The following CSMD2 variants were observed in gnomAD, a reference collection of about 807,000 sequenced individuals.
CSMD2 encodes CUB and sushi domain-containing protein 2.
In CSMD2, 130 loss-of-function variants were observed where a neutral mutation model predicts 398.5. The ratio of observed to expected loss-of-function variants is 0.33; its 90% CI spans 0.28 to 0.38. CSMD2 has a LOEUF of 0.38. Among genes scored for constraint, CSMD2 ranks in the 10% least tolerant of loss-of-function variants. The pLI is 1.00. For synonymous variants in CSMD2, 1,828 were observed against 1,908.5 expected, an observed-to-expected ratio of 0.96 and a Z score of 1.10; for missense variants, 3,829 against 4,764.9, an observed-to-expected ratio of 0.80 and a Z score of 5.78.
rs1247925308 is a variant in CSMD2 at position 33,518,041 on chromosome 1, G to A, written c.*53+1424C>T. 1.3e-5 allele frequency among the ~76,000 whole-genome samples: 2 copies of A among 152,256 alleles called. No individual in the cohort carries two copies. Among genetic ancestry groups the A allele is most frequent in the African/African-American group, 2.4e-5 (1 of 41,476 alleles). ...ATGCACAGGAGCGTGGGGAGGGAGCGCAACACTAGCCCTGGGTTTGGCTGG... is the reference window on the plus strand; with the variant it reads ...ATGCACAGGAGCGTGGGGAGGGAGCACAACACTAGCCCTGGGTTTGGCTGG... On this transcript the variant is annotated intron_variant, in intron 70 of 70. Transcript: ENST00000373381. This position sits in a 1 kb window ranked among gnomAD's most constrained non-coding sequence, Gnocchi z 4.3.
At chr1:33,866,597 T>C (rs762307783) in intron 5 of CSMD2, among the ~76,000 whole-genome samples, 4 of 152,226 alleles carry the variant, frequency 2.6e-5, no homozygotes, top group Non-Finnish European at 5.9e-5. Flanking sequence ...CAGATATAAG[T>C]GCTCTCAGTT....
chr1:33,572,759 C>G, intron 49 of CSMD2, 68 bp from the exon 50 acceptor site: 1 of 1,316,944 alleles, frequency 7.6e-7, no homozygotes, highest in African/African-American at 1.5e-5. Flanking sequence ...TATTTTTATC[C>G]TTCCTCCCCT....
chr1:33,966,476 C>G (rs1050368514), intron 3 of CSMD2, among the ~76,000 whole-genome samples: 1 of 152,164 alleles, frequency 6.6e-6, no homozygotes, highest in African/African-American at 2.4e-5. Flanking sequence ...TTCTCAGGAT[C>G]TTGGGTTCTA....
chr1:34,009,901 T>C (rs1166092639), intron 3 of CSMD2, among the ~76,000 whole-genome samples: 2 of 152,160 alleles, frequency 1.3e-5, no homozygotes, highest in Admixed American at 6.5e-5. Context: ...CATCATCTCT[T>C]ATCTGGACCA....
chr1:33,670,495 G>A (rs1414620484), intron 25 of CSMD2, among the ~76,000 whole-genome samples: 1 of 152,092 alleles, frequency 6.6e-6, no homozygotes, highest in African/African-American at 2.4e-5. Flanking sequence ...TATTTCTCTG[G>A]AAGTTCTGAG....
chr1:33,684,868 C>T (rs905232012), intron 25 of CSMD2, among the ~76,000 whole-genome samples: 2 of 152,242 alleles, frequency 1.3e-5, no homozygotes, highest in Non-Finnish European at 2.9e-5. Flanking sequence ...GTGCATACTT[C>T]CACTATAGCA....
chr1:33,664,489 G>C (rs1644244339), intron 25 of CSMD2, among the ~76,000 whole-genome samples: 1 of 152,088 alleles, frequency 6.6e-6, no homozygotes, highest in Non-Finnish European at 1.5e-5. Context: ...AGTAATTCTA[G>C]GGGAAGAAGG....
chr1:33,899,148 AG>A (rs1642589605), intron 5 of CSMD2, among the ~76,000 whole-genome samples: 1 of 152,240 alleles, frequency 6.6e-6, no homozygotes, highest in Admixed American at 6.5e-5. Flanking sequence ...CTCTCTTGAA[AG>A]GGGAACGCTG....
intron 3 of CSMD2, among the ~76,000 whole-genome samples, chr1:33,962,491 C>G (rs376900692): frequency 1.6e-4 from 25 of 152,314 alleles, no homozygotes; most frequent in African/African-American, 5.8e-4. Flanking sequence ...ATTCACTTGA[C>G]AAACATCTGA....
chr1:34,148,036 A>G (rs1036116855), intron 1 of CSMD2, among the ~76,000 whole-genome samples: 1 of 152,154 alleles, frequency 6.6e-6, no homozygotes, highest in African/African-American at 2.4e-5. Flanking sequence ...CAAGGGCTGG[A>G]GCAAGAGTAA....
chr1:33,597,880 T>G (rs1639942879), intron 44 of CSMD2, among the ~76,000 whole-genome samples: 1 of 152,204 alleles, frequency 6.6e-6, no homozygotes, highest in East Asian at 1.9e-4. Flanking sequence ...TGCAATGAAA[T>G]CATACAGCAT....
chr1:33,711,607 C>T (rs1645992199), intron 21 of CSMD2, among the ~76,000 whole-genome samples: 4 of 152,224 alleles, frequency 2.6e-5, no homozygotes, highest in African/African-American at 7.2e-5. Flanking sequence ...GCCTGAGAAG[C>T]ATATGGGAAG....
intron 15 of CSMD2, among the ~76,000 whole-genome samples, chr1:33,731,341 A>G (rs969496103): frequency 2.4e-4 from 37 of 152,278 alleles, no homozygotes; most frequent in African/African-American, 8.9e-4. Context: ...CCATTTTGTA[A>G]TTCCTAGGGT....
rs1362154663 is a variant in CSMD2 at position 33,646,555 on chromosome 1, C to T, written c.4774+93G>A. On this transcript the variant is annotated intron_variant, in intron 29 of 70. Coordinates refer to ENST00000373381, the MANE Select transcript of CSMD2 (RefSeq NM_001281956.2). ...GGGTTGGTGTGGGCTTGCTGTGGTC[C>T]AGCCCAGGGCTCTCCTCACTACGCT... 4 of 1,370,094 alleles carry T rather than the reference C, an allele frequency of 2.9e-6. No individual in the cohort carries two copies. In the African/African-American group the frequency reaches 4.3e-5, roughly 15 times the overall value. 84.9% of individuals were successfully genotyped at this position (1,370,094 alleles called of 1,614,324 possible).
At chr1:33,600,074 C>T (rs1410654553) in intron 44 of CSMD2, 11 of 673,822 alleles carry the variant, frequency 1.6e-5, no homozygotes, top group Non-Finnish European at 3.0e-5. Context: ...CTTACTACCT[C>T]ACAGAATTCT....
At chr1:33,832,233 C>G (rs545769330) in intron 6 of CSMD2, among the ~76,000 whole-genome samples, 74 of 152,016 alleles carry the variant, frequency 4.9e-4, no homozygotes, top group African/African-American at 1.7e-3. Context: ...CACACCATAA[C>G]TATTCCAAAA....
chr1:33,904,574 T>C (rs1426426340), intron 5 of CSMD2, among the ~76,000 whole-genome samples: 1 of 151,738 alleles, frequency 6.6e-6, no homozygotes, highest in African/African-American at 2.4e-5. Flanking sequence ...TAGAGATAGA[T>C]AGTGGTGTTA....
At chr1:33,856,080 C>T (rs553699604) in intron 5 of CSMD2, among the ~76,000 whole-genome samples, 89 of 152,338 alleles carry the variant, frequency 5.8e-4, no homozygotes, top group Middle Eastern at 3.4e-3. Context: ...CTCTGAGCAG[C>T]AGTGCTCATG....
intron 21 of CSMD2, 116 bp downstream of exon 21, chr1:33,714,471 G>GT (rs1646095956): frequency 1.6e-6 from 2 of 1,229,586 alleles, no homozygotes; most frequent in Non-Finnish European, 2.3e-6. Flanking sequence ...GGTAAGTGTG[G>GT]TAAGTGTGGG....
Sources: gnomAD v4.1 joint callset for allele counts (sites outside exome capture counted in the v4.1 genomes callset) on GRCh38, gnomAD v4.1.1 for gene constraint, Gnocchi (gnomAD v3.1) non-coding constraint, MANE v1.5 for transcripts, NCBI Gene and HGNC (gene_info 2026-07-23, HGNC 2026-07-21) for gene names.